CELF5: variants seen among roughly 807,000 people sequenced by gnomAD.
CELF5 encodes CUGBP Elav-like family member 5, also known as CUG-BP and ETR-3 like factor 5.
Under a neutral mutation model 54.9 loss-of-function variants are expected in CELF5, and 6 were observed. The ratio of observed to expected loss-of-function variants is 0.11; its 90% confidence interval spans 0.06 to 0.22. The LOEUF (loss-of-function observed/expected upper bound fraction) is 0.22, where lower values mean the gene tolerates loss of function less well. Among genes scored for constraint, CELF5 ranks in the 10% least tolerant of loss-of-function variants. CELF5 has a pLI of 1.00. For missense variants in CELF5, 401 were observed against 678.6 expected, an observed-to-expected ratio of 0.59 and a Z score of 4.54; for synonymous variants, 271 against 290.9, an observed-to-expected ratio of 0.93 and a Z score of 0.70.
intron 1 of CELF5, among the ~76,000 whole-genome samples, chr19:3,232,269 A>G (rs894926171): frequency 1.3e-5 from 2 of 152,188 alleles, no homozygotes; most frequent in African/African-American, 2.4e-5. Flanking sequence ...AATTTATATG[A>G]TGTGGCCAGG....
intron 12 of CELF5, chr19:3,294,639 C>A (rs574056134): frequency 2.7e-5 from 4 of 147,306 alleles, no homozygotes; most frequent in Non-Finnish European, 6.0e-5. Context: ...TCAGTCTGCA[C>A]TTTTTTTTTT....
At chr19:3,241,955 A>G (rs538366825) in intron 1 of CELF5, among the ~76,000 whole-genome samples, 1 of 152,022 alleles carries the variant, frequency 6.6e-6, no homozygotes, top group African/African-American at 2.4e-5. Flanking sequence ...TTGTGTTTTT[A>G]GTAGAGATGG....
chr19:3,251,241 C>T (rs961993774), intron 2 of CELF5, among the ~76,000 whole-genome samples, 174 bp downstream of exon 2: 8 of 152,122 alleles, frequency 5.3e-5, no homozygotes, highest in African/African-American at 1.9e-4. Context: ...TTATTGAGTG[C>T]CTACTGTGTG....
rs377207613 is a variant in CELF5 at position 3,275,989 on chromosome 19, C to G, written c.523+5C>G. The G allele has an allele frequency of 7.6e-7, 1 of 1,309,262 alleles. No individual in the cohort carries two copies. The highest frequency in any genetic ancestry group is 1.0e-6 in the Non-Finnish European group (1 of 998,312). The allele number at this position is 1,309,262 out of a possible 1,614,324, so 81.1% of individuals were successfully genotyped here. On this transcript the variant is annotated splice_donor_5th_base_variant and intron_variant, in intron 4 of 12. Coordinates refer to ENST00000292672, the MANE Select transcript of CELF5 (RefSeq NM_021938.4). The surrounding 1 kb of genome is among the most constrained non-coding windows in gnomAD (Gnocchi z 6.7). ...GGCCTGACGGCAGCAGCAAAGGTGA[C>G]TGGCGGGGGCCGGGGCGGGACTGCG...
At position 3,285,734 on chromosome 19, in the gene CELF5, A is replaced by G. The variant is rs543799486; in HGVS notation, c.1103-208A>G. On this transcript the variant is annotated intron_variant, in intron 9 of 12. Transcript: ENST00000292672. ...TCCACCATGGCCCCGCCCCTCAGGC[A>G]ATAGCCCCTCCCCGTTTCGTCTGTG... 2.0e-4 allele frequency among the ~76,000 whole-genome samples: 21 copies of G among 104,206 alleles called. No individual in the cohort carries two copies. In the South Asian group the frequency reaches 7.5e-3, roughly 37 times the overall value. 68.4% of individuals were successfully genotyped at this position (104,206 alleles called of 152,430 possible). A position where few individuals can be genotyped will look rare whatever the true frequency, so the allele number is the denominator to read the frequency against.
intron 2 of CELF5, among the ~76,000 whole-genome samples, chr19:3,267,232 GC>G (rs930193599): frequency 4.6e-5 from 7 of 151,330 alleles, no homozygotes; most frequent in African/African-American, 1.5e-4. Context: ...GCACAGGGGA[GC>G]CCCCCCCACC....
At chr19:3,237,906 G>A (rs990688488) in intron 1 of CELF5, among the ~76,000 whole-genome samples, 2 of 151,480 alleles carry the variant, frequency 1.3e-5, no homozygotes, top group African/African-American at 2.4e-5. Flanking sequence ...AAAATTAGCC[G>A]GGCCTGGTGG....
At chr19:3,255,132 G>A (rs768873008) in intron 2 of CELF5, among the ~76,000 whole-genome samples, 1 of 152,018 alleles carries the variant, frequency 6.6e-6, no homozygotes, top group African/African-American at 2.4e-5. Context: ...TCCTGTGGCC[G>A]TCCCCCAGTC....
rs1917093362 is a variant in CELF5 at position 3,228,815 on chromosome 19, A to T, written c.259+3817A>T. On this transcript the variant is annotated intron_variant, in intron 1 of 12. Transcript: ENST00000292672. The surrounding 1 kb of genome is among the most constrained non-coding windows in gnomAD (Gnocchi z 6.0). ...CGGGGGGACCGCGGGAGCAGTTGGC[A>T]CCCCTGGTGGTGGCGGGGACAGCGG... Among the ~76,000 whole-genome samples, 1 of 139,530 alleles carries T rather than the reference A, an allele frequency of 7.2e-6. No individual in the cohort carries two copies. The highest frequency in any genetic ancestry group is 1.5e-5 in the Non-Finnish European group (1 of 65,024). The allele number at this position is 139,530 out of a possible 152,430, so 91.5% of individuals were successfully genotyped here.
chr19:3,288,476 C>A (rs534515466), intron 10 of CELF5, among the ~76,000 whole-genome samples: 3 of 152,080 alleles, frequency 2.0e-5, no homozygotes, highest in South Asian at 4.2e-4. Context: ...GAGCCAAGAT[C>A]ACGCCATTGC....
At chr19:3,276,394 T>G (rs2080053563) in intron 4 of CELF5, among the ~76,000 whole-genome samples, 1 of 133,816 alleles carries the variant, frequency 7.5e-6, no homozygotes, top group Admixed American at 7.7e-5. Context: ...AGTCTGTGGG[T>G]GAGGCTGCAA....
In CELF5 at chr19:3,259,851, G is replaced by A. The variant is rs890881335; in HGVS notation, c.342+8784G>A. Reference sequence around the variant, plus strand: ...CACCCTGCAGTGCCCAGGATGGCCCGACTCCAGAGAACGATCCGGCCCCAA... The same window carrying A: ...CACCCTGCAGTGCCCAGGATGGCCCAACTCCAGAGAACGATCCGGCCCCAA... On this transcript the variant is annotated intron_variant, in intron 2 of 12. Coordinates refer to ENST00000292672, the MANE Select transcript of CELF5 (RefSeq NM_021938.4). Among the ~76,000 whole-genome samples the A allele has an allele frequency of 1.1e-4, 16 of 151,192 alleles. No individual in the cohort carries two copies. In the South Asian group the frequency reaches 1.3e-3, roughly 12 times the overall value.
intron 2 of CELF5, among the ~76,000 whole-genome samples, chr19:3,260,831 T>C (rs1410418401): frequency 2.0e-5 from 3 of 151,472 alleles, no homozygotes; most frequent in Non-Finnish European, 2.9e-5. Flanking sequence ...ACCGTGTTAG[T>C]CAGGATGGTC....
chr19:3,280,414 T>TAA (rs571919304), intron 5 of CELF5, among the ~76,000 whole-genome samples: 1 of 144,812 alleles, frequency 6.9e-6, no homozygotes, highest in African/African-American at 2.5e-5. Context: ...CTACTAAAAA[T>TAA]AAAAAAAAAA....
chr19:3,256,189 G>A (rs944855023), intron 2 of CELF5, among the ~76,000 whole-genome samples: 2 of 152,034 alleles, frequency 1.3e-5, no homozygotes, highest in Admixed American at 6.6e-5. Flanking sequence ...ACCCAGCCAG[G>A]GTTCCCACCC....
At chr19:3,273,811 C>A (rs1156339687) in intron 2 of CELF5, 61 bp from the exon 3 acceptor site, 1 of 1,190,872 alleles carries the variant, frequency 8.4e-7, no homozygotes, top group Non-Finnish European at 1.2e-6. Flanking sequence ...TCAGGCAAAA[C>A]CCCCCGCCTG....
intron 1 of CELF5, among the ~76,000 whole-genome samples, chr19:3,229,570 C>T (rs940826214): frequency 3.9e-5 from 6 of 152,196 alleles, no homozygotes; most frequent in Non-Finnish European, 8.8e-5. Flanking sequence ...GGTTTCCCTG[C>T]GTCTTGTGGC....
Position 3,248,900 on chromosome 19 carries a change from TCC to T in CELF5, c.260-2084_260-2083del, listed in dbSNP as rs1491578929. 1.1e-3 allele frequency among the ~76,000 whole-genome samples: 133 copies of T among 125,878 alleles called. No individual in the cohort carries two copies. In the East Asian group the frequency reaches 0.035, roughly 33 times the overall value. The allele number at this position is 125,878 out of a possible 152,430, so 82.6% of individuals were successfully genotyped here. On this transcript the variant is annotated intron_variant, in intron 1 of 12. Coordinates refer to ENST00000292672, the MANE Select transcript of CELF5 (RefSeq NM_021938.4). ...TTCCTTCCTTCCTTCCTTCCTTCCT[TCC>T]TTCCTTTCTTTCTTTCTTTCTTTCT...
intron 2 of CELF5, among the ~76,000 whole-genome samples, chr19:3,254,637 C>A (rs1429979043): frequency 6.6e-6 from 1 of 151,730 alleles, no homozygotes; most frequent in Non-Finnish European, 1.5e-5. Context: ...CCTACCCACC[C>A]ACCCACACAT....
Sources: allele counts gnomAD v4.1 joint callset (sites outside exome capture counted in the v4.1 genomes callset), GRCh38; gene constraint gnomAD v4.1.1; non-coding constraint Gnocchi (gnomAD v3.1); transcripts MANE v1.5; gene names NCBI Gene and HGNC (gene_info 2026-07-23, HGNC 2026-07-21).